Variants in KIAA0319L observed in about 807,000 individuals in gnomAD.
KIAA0319L encodes the protein dyslexia-associated protein KIAA0319-like protein.
Under a neutral mutation model 120.1 loss-of-function variants are expected in KIAA0319L, and 55 were observed. The observed-to-expected ratio is 0.46, with a 90% CI of 0.37 to 0.57. KIAA0319L has a LOEUF of 0.57. KIAA0319L is among the 20% of genes least tolerant of loss of function. The pLI is 0.00. For synonymous variants in KIAA0319L, 398 were observed against 471.9 expected (o/e 0.84, Z 2.03); for missense variants, 1,049 against 1,255.3 (o/e 0.84, Z 2.48).
intron 3 of KIAA0319L, among the ~76,000 whole-genome samples, chr1:35,496,375 GTGCC>G (rs1314613256): frequency 6.6e-6 from 1 of 152,136 alleles, no homozygotes. Context: ...AGCTGAGATG[GTGCC>G]AGTGCACTCT....
chr1:35,515,075 G>A (rs1193776219), intron 2 of KIAA0319L, among the ~76,000 whole-genome samples: 1 of 152,194 alleles, frequency 6.6e-6, no homozygotes, highest in African/African-American at 2.4e-5. Flanking sequence ...CACTTTGGGA[G>A]GCCGAGGCAG....
chr1:35,525,398 A>G (rs1007934356), intron 2 of KIAA0319L, among the ~76,000 whole-genome samples: 3 of 152,116 alleles, frequency 2.0e-5, no homozygotes, highest in African/African-American at 7.2e-5. Context: ...TAGTAGTTCT[A>G]TCTTTAGTTT....
At chr1:35,470,269 G>A (rs1031946866) in intron 6 of KIAA0319L, among the ~76,000 whole-genome samples, 7 of 152,010 alleles carry the variant, frequency 4.6e-5, no homozygotes, top group African/African-American at 2.4e-5. Context: ...GAGATGGGAG[G>A]ACTGCTTGAG....
intron 2 of KIAA0319L, among the ~76,000 whole-genome samples, chr1:35,507,753 T>C (rs555406415): frequency 6.6e-6 from 1 of 152,294 alleles, no homozygotes; most frequent in African/African-American, 2.4e-5. Flanking sequence ...GCCAGAGTGG[T>C]AGTCAAGATT....
intron 3 of KIAA0319L, among the ~76,000 whole-genome samples, chr1:35,489,670 G>T (rs983805177): frequency 1.4e-5 from 2 of 142,586 alleles, no homozygotes; most frequent in Admixed American, 7.1e-5. Flanking sequence ...GTTTCTTTGG[G>T]TTTTTTTTTT....
chr1:35,456,266 G>C, intron 9 of KIAA0319L, 25 bp from the exon 10 acceptor site: 1 of 1,425,886 alleles, frequency 7.0e-7, no homozygotes, highest in Non-Finnish European at 9.6e-7. Context: ...AGAGGAGTGT[G>C]ATCAGGGACG....
intron 3 of KIAA0319L, among the ~76,000 whole-genome samples, chr1:35,495,640 GTT>G (rs1190666199): frequency 6.6e-6 from 1 of 151,684 alleles, no homozygotes; most frequent in Non-Finnish European, 1.5e-5. Context: ...TGTTTGTTTG[GTT>G]TTGTTTGTTT....
chr1:35,443,908 A>G (rs1372649473), intron 17 of KIAA0319L: 1 of 327,116 alleles, frequency 3.1e-6, no homozygotes, highest in Non-Finnish European at 5.5e-6. Flanking sequence ...GTCAGAGGTT[A>G]GTGAAAACAA....
At chr1:35,521,320 G>A (rs977699750) in intron 2 of KIAA0319L, among the ~76,000 whole-genome samples, 6 of 150,878 alleles carry the variant, frequency 4.0e-5, no homozygotes, top group Non-Finnish European at 8.9e-5. Flanking sequence ...GCCTGGGCGA[G>A]AGAGCAAGAC....
intron 2 of KIAA0319L, among the ~76,000 whole-genome samples, chr1:35,530,804 T>C (rs1026111037): frequency 2.6e-5 from 4 of 152,144 alleles, no homozygotes; most frequent in Non-Finnish European, 5.9e-5. Context: ...TCTGGATGCA[T>C]GCGGCAGTGT....
At chr1:35,509,008 G>T (rs1456137244) in intron 2 of KIAA0319L, among the ~76,000 whole-genome samples, 4 of 152,120 alleles carry the variant, frequency 2.6e-5, no homozygotes, top group Non-Finnish European at 4.4e-5. Flanking sequence ...ACTGTTTTTA[G>T]ACACTGGACA....
chr1:35,444,043 G>C (rs953279641), intron 17 of KIAA0319L, 118 bp downstream of exon 17: 1 of 879,506 alleles, frequency 1.1e-6, no homozygotes, highest in African/African-American at 1.7e-5. Flanking sequence ...TAGTGCAAGA[G>C]AATGATTATC....
rs999082576 is a variant in KIAA0319L at position 35,444,169 on chromosome 1, T to C, written c.2648A>G (p.Asn883Ser). The change falls in exon 17 of 21, where the codon AAC becomes AGC. Residue 883 changes from asparagine to serine, a missense_variant. Physicochemically the swap from Asn to Ser is conservative, Grantham distance 46 (BLOSUM62 1). Transcript: ENST00000325722. ...DFLIFRALEV[N>S]TVTCQLNCSD... is the part of the protein sequence containing the mutation. Reference sequence around the variant, plus strand: ...TTCCCAGAATTACTCACTGACAGTGTTGACTTCCAAGGCTCTGAATATCAA... The same window carrying C: ...TTCCCAGAATTACTCACTGACAGTGCTGACTTCCAAGGCTCTGAATATCAA... 2.5e-6 allele frequency: 4 copies of C among 1,597,622 alleles called. No homozygotes were observed. Among genetic ancestry groups the C allele is most frequent in the South Asian group, 2.3e-5 (2 of 88,282 alleles).
intron 6 of KIAA0319L, among the ~76,000 whole-genome samples, chr1:35,468,474 G>A (rs1445078708): frequency 6.6e-6 from 1 of 152,086 alleles, no homozygotes; most frequent in Admixed American, 6.6e-5. Flanking sequence ...TTGACCTCCA[G>A]TCCCTTTCCC....
chr1:35,477,442 C>T (rs138514002), intron 4 of KIAA0319L, among the ~76,000 whole-genome samples: 2,709 of 152,074 alleles, frequency 0.018, 71 homozygotes, highest in African/African-American at 0.059. Flanking sequence ...CCAAGGCGGA[C>T]GGATCACAAG....
intron 2 of KIAA0319L, among the ~76,000 whole-genome samples, chr1:35,541,639 C>T (rs1216610710): frequency 1.3e-5 from 2 of 152,046 alleles, no homozygotes; most frequent in African/African-American, 4.8e-5. Flanking sequence ...TGTGAGCCAC[C>T]GCGCCCAGCC....
chr1:35,554,679 A>G (rs1482921327), intron 1 of KIAA0319L, 160 bp from the exon 2 acceptor site: 2 of 458,888 alleles, frequency 4.4e-6, no homozygotes, highest in Non-Finnish European at 7.7e-6. Context: ...CTGGGCTTTG[A>G]GGTAGCCTAT....
At chr1:35,511,807 T>C (rs1645456771) in intron 2 of KIAA0319L, among the ~76,000 whole-genome samples, 1 of 152,214 alleles carries the variant, frequency 6.6e-6, no homozygotes, top group African/African-American at 2.4e-5. Context: ...TGCAGAATAC[T>C]ATGTACCATT....
chr1:35,520,665 C>A (rs74712028), intron 2 of KIAA0319L, among the ~76,000 whole-genome samples: 1 of 152,238 alleles, frequency 6.6e-6, no homozygotes, highest in Admixed American at 6.5e-5. Flanking sequence ...GAATGAGCAA[C>A]CTCAATGACC....
Sources: gnomAD v4.1 joint callset for allele counts (sites outside exome capture counted in the v4.1 genomes callset) on GRCh38, gnomAD v4.1.1 for gene constraint, MANE v1.5 for transcripts, NCBI Gene and HGNC (gene_info 2026-07-23, HGNC 2026-07-21) for gene names.